Variants in NPAS3 observed in about 807,000 individuals in gnomAD.
The protein encoded by NPAS3 is neuronal PAS domain protein 3.
NPAS3 carries 14 observed loss-of-function variants against 73.1 expected under a neutral mutation model. The ratio of observed to expected loss-of-function variants is 0.19; its 90% CI spans 0.13 to 0.30. The LOEUF is 0.30. Ranked by LOEUF, NPAS3 falls within the 10% of genes least tolerant of loss-of-function variation. The pLI, the probability that NPAS3 is intolerant of heterozygous loss-of-function variation, is 1.00. For missense variants in NPAS3, 1,096 were observed against 1,250.0 expected (o/e 0.88, Z 1.86); for synonymous variants, 620 against 541.5 (o/e 1.14, Z -2.01).
At chr14:33,680,628 T>A (rs1453562066) in intron 6 of NPAS3, 1 of 702,750 alleles carries the variant, frequency 1.4e-6, no homozygotes, top group East Asian at 2.7e-5. Flanking sequence ...CAGCGAGTGA[T>A]CAGTTTCTTC....
At chr14:33,738,071 CGT>C (rs1361171592) in intron 7 of NPAS3, among the ~76,000 whole-genome samples, 1 of 152,136 alleles carries the variant, frequency 6.6e-6, no homozygotes, top group Non-Finnish European at 1.5e-5. Flanking sequence ...ACATTGACTG[CGT>C]GGCAGCCACT....
intron 5 of NPAS3, among the ~76,000 whole-genome samples, chr14:33,590,473 G>A (rs541483514): frequency 1.3e-5 from 2 of 152,074 alleles, no homozygotes; most frequent in African/African-American, 4.8e-5. Flanking sequence ...ATATAGATTT[G>A]GGGGGTGGTT....
Position 33,459,825 on chromosome 14 carries a change from G to C in NPAS3, c.468+92557G>C, listed in dbSNP as rs116923724. On this transcript the variant is annotated intron_variant, in intron 4 of 11. Coordinates refer to ENST00000356141, the Ensembl canonical transcript of NPAS3. ...CCTTATTTTTTCATTGGGTGCCCAAGAACCCTCTTTCCTTTACATATAATT... is the reference window on the plus strand; with the variant it reads ...CCTTATTTTTTCATTGGGTGCCCAACAACCCTCTTTCCTTTACATATAATT... Among the ~76,000 whole-genome samples the C allele has an allele frequency of 2.3e-3, 343 of 152,232 alleles. 1 individual carries two copies. The highest frequency in any genetic ancestry group is 6.8e-3 in the Middle Eastern group (2 of 294).
intron 2 of NPAS3, among the ~76,000 whole-genome samples, chr14:33,071,927 G>A (rs1039855514): frequency 7.2e-5 from 11 of 151,816 alleles, no homozygotes; most frequent in African/African-American, 9.7e-5. Context: ...GTCTTGCTCC[G>A]TCACCCAGGC....
chr14:33,078,125 C>A (rs935110787), intron 2 of NPAS3, among the ~76,000 whole-genome samples: 3 of 150,878 alleles, frequency 2.0e-5, no homozygotes, highest in Non-Finnish European at 4.4e-5. Flanking sequence ...GGCAACAGAG[C>A]AAGACTGTTT....
intron 2 of NPAS3, among the ~76,000 whole-genome samples, chr14:33,152,779 T>C (rs1018266907): frequency 6.6e-6 from 1 of 151,996 alleles, no homozygotes; most frequent in African/African-American, 2.4e-5. Flanking sequence ...CACTGATGCA[T>C]GTAATGTGGT....
intron 3 of NPAS3, among the ~76,000 whole-genome samples, chr14:33,273,676 T>A (rs1441389719): frequency 6.6e-6 from 1 of 152,186 alleles, no homozygotes; most frequent in Non-Finnish European, 1.5e-5. Flanking sequence ...ATAGGGCTTG[T>A]ATGTAGAATA....
chr14:33,624,380 G>A (rs776384844), intron 5 of NPAS3, among the ~76,000 whole-genome samples: 2 of 152,142 alleles, frequency 1.3e-5, no homozygotes, highest in African/African-American at 2.4e-5. Flanking sequence ...GTTCCTAACC[G>A]GGTCTCTTTG....
chr14:33,281,639 A>G (rs113733644), intron 3 of NPAS3, among the ~76,000 whole-genome samples: 1 of 152,018 alleles, frequency 6.6e-6, no homozygotes, highest in Admixed American at 6.6e-5. Flanking sequence ...CTCAAAAAAA[A>G]TTTTTTTTCT....
intron 3 of NPAS3, among the ~76,000 whole-genome samples, chr14:33,280,696 G>T (rs1433149560): frequency 6.6e-6 from 1 of 152,130 alleles, no homozygotes; most frequent in African/African-American, 2.4e-5. Context: ...AAAGGAAGAA[G>T]GGGAAAAAAC....
chr14:33,189,539 C>T (rs912855), intron 2 of NPAS3, among the ~76,000 whole-genome samples: 78,241 of 151,942 alleles, frequency 0.51, 21,120 homozygotes, highest in Non-Finnish European at 0.6. Context: ...CTTCAGAATT[C>T]AAATACCTTA....
rs983942898 is a variant in NPAS3 at position 33,634,079 on chromosome 14, G to A, written c.559-42132G>A. Among the ~76,000 whole-genome samples the A allele has an allele frequency of 2.6e-5, 4 of 152,248 alleles. No homozygotes were observed. The East Asian group carries it at 7.7e-4, about 29-fold the overall frequency. Reference sequence around the variant, plus strand: ...ATTTAGTTTCCAGAGAACTTTAAGGGGATGTAACAATGCCTGAGATTTCAG... The same window carrying A: ...ATTTAGTTTCCAGAGAACTTTAAGGAGATGTAACAATGCCTGAGATTTCAG... On this transcript the variant is annotated intron_variant, in intron 5 of 11. Transcript: ENST00000356141.
intron 5 of NPAS3, among the ~76,000 whole-genome samples, chr14:33,580,895 C>G (rs1013147643): frequency 6.6e-6 from 1 of 152,078 alleles, no homozygotes; most frequent in Non-Finnish European, 1.5e-5. Flanking sequence ...TTCTCTACCC[C>G]CACCAGCCCC....
At chr14:33,013,899 G>A (rs752333964) in intron 1 of NPAS3, among the ~76,000 whole-genome samples, 5 of 151,988 alleles carry the variant, frequency 3.3e-5, no homozygotes, top group Non-Finnish European at 7.4e-5. Context: ...TTGTCAAACC[G>A]CTCTCCAGAA....
At chr14:33,239,113 A>G (rs1724796002) in intron 3 of NPAS3, among the ~76,000 whole-genome samples, 1 of 151,882 alleles carries the variant, frequency 6.6e-6, no homozygotes, top group Non-Finnish European at 1.5e-5. Context: ...CCTCACATTT[A>G]TTAGCTTCCA....
At chr14:33,651,563 A>G (rs2058994799) in intron 5 of NPAS3, among the ~76,000 whole-genome samples, 1 of 152,152 alleles carries the variant, frequency 6.6e-6, no homozygotes, top group South Asian at 2.1e-4. Flanking sequence ...ACCCACAAGT[A>G]TATAGCTTTG....
intron 6 of NPAS3, among the ~76,000 whole-genome samples, chr14:33,684,770 G>C (rs1447776655): frequency 1.3e-5 from 2 of 152,200 alleles, no homozygotes; most frequent in East Asian, 3.9e-4. Context: ...ACTCTGCTCT[G>C]TGTCGGCCAA....
At chr14:33,429,877 A>C (rs76157311) in intron 4 of NPAS3, among the ~76,000 whole-genome samples, 2,595 of 152,246 alleles carry the variant, frequency 0.017, 77 homozygotes, top group African/African-American at 0.059. Context: ...GAAAATTGCA[A>C]AGCTAAAATT....
At chr14:33,314,744 A>G (rs2043140639) in intron 3 of NPAS3, among the ~76,000 whole-genome samples, 1 of 152,050 alleles carries the variant, frequency 6.6e-6, no homozygotes, top group South Asian at 2.1e-4. Context: ...GGAACCTTCT[A>G]CCTTTACTAT....
Sources: allele counts gnomAD v4.1 joint callset (sites outside exome capture counted in the v4.1 genomes callset), GRCh38; gene constraint gnomAD v4.1.1; transcripts MANE v1.5; gene names NCBI Gene and HGNC (gene_info 2026-07-23, HGNC 2026-07-21).